The following CREB3L3 variants were observed in gnomAD, a reference collection of about 807,000 sequenced individuals.
CREB3L3 encodes cAMP responsive element binding protein 3 like 3, also known as cyclic AMP-responsive element-binding protein 3-like protein 3.
In CREB3L3, 40 loss-of-function variants were observed where a neutral mutation model predicts 44.6. The ratio of observed to expected loss-of-function variants is 0.90; its 90% CI spans 0.70 to 1.17. The LOEUF (loss-of-function observed/expected upper bound fraction) is 1.17. Ranked by LOEUF, CREB3L3 falls within the 50% of genes most tolerant of loss-of-function variation. The probability of loss-of-function intolerance (pLI) is 0.00; values close to 1 mark genes in which losing one functional copy is unlikely to be tolerated. For missense variants in CREB3L3, 578 were observed against 595.8 expected, an observed-to-expected ratio of 0.97 and a Z score of 0.31; for synonymous variants, 273 against 256.3, an observed-to-expected ratio of 1.06 and a Z score of -0.62.
chr19:4,163,764 C>T (rs1217154777), intron 4 of CREB3L3, among the ~76,000 whole-genome samples: 2 of 151,392 alleles, frequency 1.3e-5, no homozygotes, highest in African/African-American at 4.9e-5. Context: ...CCACCTGCCT[C>T]GGCCTCCCAA....
intron 4 of CREB3L3, among the ~76,000 whole-genome samples, chr19:4,160,355 C>T (rs796846078): frequency 2.6e-5 from 4 of 151,942 alleles, no homozygotes; most frequent in African/African-American, 9.6e-5. Context: ...ATATGCCAGG[C>T]GCTCTTTATT....
chr19:4,154,847 T>C, intron 1 of CREB3L3, 52 bp from the exon 2 acceptor site: 1 of 1,611,468 alleles, frequency 6.2e-7, no homozygotes, highest in East Asian at 2.2e-5. Context: ...ACATGGGAGG[T>C]GGGGAGGACA....
chr19:4,172,698 C>T lies in CREB3L3; in HGVS notation c.*729C>T, dbSNP rs2145148245. On this transcript the variant is annotated 3_prime_UTR_variant, in exon 10 of 10. Transcript: ENST00000078445. Reference sequence around the variant, plus strand: ...AGACACAGCCTGAAACAGACCCAGACAGACAGACAGACACAGCCTGAAACA... The same window carrying T: ...AGACACAGCCTGAAACAGACCCAGATAGACAGACAGACACAGCCTGAAACA... The T allele has an allele frequency of 4.2e-6, 1 of 235,932 alleles. No individual in the cohort carries two copies. Among genetic ancestry groups the T allele is most frequent in the Non-Finnish European group, 8.4e-6 (1 of 119,618 alleles). 14.6% of individuals were successfully genotyped at this position (235,932 alleles called of 1,614,324 possible). A position where few individuals can be genotyped will look rare whatever the true frequency, so the allele number is the denominator to read the frequency against.
rs747180973 is a variant in CREB3L3, at chr19:4,172,055, G to C, written c.*86G>C. ...TGGGCAGCTACCCACCTGGGGATGG[G>C]ACGTGAGGCCAAGACCCCAGCAGAG... On this transcript the variant is annotated 3_prime_UTR_variant, in exon 10 of 10. Coordinates refer to ENST00000078445, the MANE Select transcript of CREB3L3 (RefSeq NM_032607.3). 1.2e-4 allele frequency: 166 copies of C among 1,354,360 alleles called. No individual in the cohort carries two copies. The highest frequency in any genetic ancestry group is 1.6e-4 in the Non-Finnish European group (162 of 1,008,328). 83.9% of individuals were successfully genotyped at this position (1,354,360 alleles called of 1,614,324 possible).
chr19:4,171,939 A>C lies in CREB3L3; in HGVS notation c.1356A>C (p.Ala452=). 6.2e-7 allele frequency: 1 copy of C among 1,608,570 alleles called. No homozygotes were observed. The highest frequency in any genetic ancestry group is 8.5e-7 in the Non-Finnish European group (1 of 1,178,170). Residue 452 remains alanine (A), a synonymous_variant, in exon 10 of 10, where the codon GCA becomes GCC. Transcript: ENST00000078445. This position sits in a 1 kb window ranked among gnomAD's most constrained non-coding sequence, Gnocchi z 4.9. ...APGPSTGSGR[A]GLEAAGDEL is the part of the protein sequence containing the mutation. The stretch of plus-strand genomic sequence containing the variant: ...GGCCGAGCACTGGCTCAGGACGTGC[A>C]GGGCTGGAGGCGGCGGGAGACGAGC...
At position 4,171,925 on chromosome 19, in the gene CREB3L3, G is replaced by A; in HGVS notation, c.1342G>A (p.Gly448Ser). The change falls in exon 10 of 10, where the codon GGC becomes AGC. Residue 448 changes from glycine (G) to serine (S), a missense_variant. Coordinates refer to ENST00000078445, the MANE Select transcript of CREB3L3 (RefSeq NM_032607.3). The surrounding 1 kb of genome is among the most constrained non-coding windows in gnomAD (Gnocchi z 4.9). ...LDWVAPGPST[G>S]SGRAGLEAAG... ...CTGGGTGGCGCCTGGGCCGAGCACTGGCTCAGGACGTGCAGGGCTGGAGGC... is the reference window on the plus strand; with the variant it reads ...CTGGGTGGCGCCTGGGCCGAGCACTAGCTCAGGACGTGCAGGGCTGGAGGC... 6.2e-7 allele frequency: 1 copy of A among 1,611,112 alleles called. No homozygotes were observed. Among genetic ancestry groups the A allele is most frequent in the Non-Finnish European group, 8.5e-7 (1 of 1,179,206 alleles).
chr19:4,171,125 A>G lies in CREB3L3; in HGVS notation c.925A>G (p.Ile309Val), dbSNP rs1486763347. The G allele has an allele frequency of 1.2e-6, 2 of 1,614,060 alleles. No individual in the cohort carries two copies. Among genetic ancestry groups the G allele is most frequent in the Non-Finnish European group, 8.5e-7 (1 of 1,179,992 alleles). ...LLEQLKKLQA[I>V]VVQSTSKSAQ... The stretch of plus-strand genomic sequence containing the variant: ...GGAGCAACTGAAGAAACTCCAGGCC[A>G]TTGTGGTGCAGTCCACCAGCAAGTC... Residue 309 changes from isoleucine to valine, a missense_variant, in exon 8 of 10, where the codon ATT (isoleucine) becomes GTT (valine). Physicochemically the swap from Ile to Val is conservative, Grantham distance 29. Coordinates refer to ENST00000078445, the MANE Select transcript of CREB3L3 (RefSeq NM_032607.3). This position sits in a 1 kb window ranked among gnomAD's most constrained non-coding sequence, Gnocchi z 4.9.
At position 4,172,007 on chromosome 19, in the gene CREB3L3, G is replaced by T. The variant is rs1967062718; in HGVS notation, c.*38G>T. The stretch of plus-strand genomic sequence containing the variant: ...CTATGCTCCCAGGCCCCTCTGCCCA[G>T]GGGTGCCTTGGGGATGCTGCACTGG... On this transcript the variant is annotated 3_prime_UTR_variant, in exon 10 of 10. Transcript: ENST00000078445. 6.6e-7 allele frequency: 1 copy of T among 1,526,310 alleles called. No individual in the cohort carries two copies. Among genetic ancestry groups the T allele is most frequent in the Non-Finnish European group, 8.8e-7 (1 of 1,137,716 alleles). The allele number at this position is 1,526,310 out of a possible 1,614,324, so 94.5% of individuals were successfully genotyped here.
intron 3 of CREB3L3, among the ~76,000 whole-genome samples, chr19:4,158,428 C>G (rs1341364254): frequency 2.0e-5 from 3 of 151,874 alleles, no homozygotes; most frequent in Non-Finnish European, 4.4e-5. Flanking sequence ...ACCCGGGAGG[C>G]GGAGGTTGCA....
At chr19:4,159,921 T>C (rs1419975103) in intron 4 of CREB3L3, 139 bp downstream of exon 4, 15 of 664,248 alleles carry the variant, frequency 2.3e-5, no homozygotes, top group Admixed American at 6.3e-5. Flanking sequence ...TTAGAGACCA[T>C]TCCAGTCCTG....
Position 4,164,612 on chromosome 19 carries a change from C to A in CREB3L3, c.686C>A (p.Thr229Asn), listed in dbSNP as rs1295598624. The A allele has an allele frequency of 6.2e-7, 1 of 1,613,962 alleles. No individual in the cohort carries two copies. Among genetic ancestry groups the A allele is most frequent in the Non-Finnish European group, 8.5e-7 (1 of 1,180,048 alleles). The change falls in exon 5 of 10, where the codon ACC (threonine) becomes AAC (asparagine). Residue 229 changes from threonine to asparagine, a missense_variant. Coordinates refer to ENST00000078445, the MANE Select transcript of CREB3L3 (RefSeq NM_032607.3). ...EKKLLAKEGI[T>N]LPTQLPLTKY... ...AAGCTGCTGGCTAAAGAAGGCATCA[C>A]CCTGCCCACTCAGCTGCCCCTCACT...
chr19:4,157,143 C>CA lies in CREB3L3; in HGVS notation c.306dup (p.Arg103ThrfsTer43), dbSNP rs748629190. Reference sequence around the variant, plus strand: ...CCCTCCGACCCCCAGGACACCCCTCCACGCAGCGGACCAGCCACCTCCCCC... The same window carrying CA: ...CCCTCCGACCCCCAGGACACCCCTCCAACGCAGCGGACCAGCCACCTCCCCC... On this transcript the variant is annotated frameshift_variant, in exon 3 of 10. Transcript: ENST00000078445. LOFTEE classifies it high-confidence loss of function. The CA allele has an allele frequency of 4.0e-5, 65 of 1,613,912 alleles. No individual in the cohort carries two copies. The highest frequency in any genetic ancestry group is 5.5e-5 in the Non-Finnish European group (65 of 1,180,016).
chr19:4,160,475 G>T (rs533938951), intron 4 of CREB3L3, among the ~76,000 whole-genome samples: 1 of 150,884 alleles, frequency 6.6e-6, no homozygotes. Flanking sequence ...GGCCTCAAGC[G>T]ATCCTCCTGC....
intron 6 of CREB3L3, among the ~76,000 whole-genome samples, chr19:4,169,248 T>C (rs565260851): frequency 1.3e-5 from 2 of 151,550 alleles, no homozygotes; most frequent in Admixed American, 1.3e-4. Context: ...TCCCAGCACT[T>C]TGGGAGGCTG....
At chr19:4,169,074 A>C (rs936598890) in intron 6 of CREB3L3, among the ~76,000 whole-genome samples, 4 of 151,956 alleles carry the variant, frequency 2.6e-5, no homozygotes, top group African/African-American at 9.7e-5. Flanking sequence ...GCTCCTGATC[A>C]TCTTTATCCA....
chr19:4,159,620 C>T (rs764884160), intron 3 of CREB3L3, 44 bp from the exon 4 acceptor site: 24 of 896,764 alleles, frequency 2.7e-5, no homozygotes, highest in African/African-American at 8.2e-5. Context: ...GGACTCCCCC[C>T]GTCTGACACT....
At chr19:4,168,981 C>A (rs988225694) in intron 6 of CREB3L3, among the ~76,000 whole-genome samples, 2 of 151,754 alleles carry the variant, frequency 1.3e-5, no homozygotes, top group Non-Finnish European at 2.9e-5. Flanking sequence ...GTGATCTGGC[C>A]GCCTCAGCCT....
intron 4 of CREB3L3, among the ~76,000 whole-genome samples, chr19:4,163,351 A>AGAAAGAAAGGAAG (rs535753131): frequency 8.5e-6 from 1 of 117,198 alleles, no homozygotes; most frequent in Non-Finnish European, 1.8e-5. Context: ...AAAGAAAGAA[A>AGAAAGAAAGGAAG]GAAGGAAGGA....
intron 4 of CREB3L3, among the ~76,000 whole-genome samples, chr19:4,163,469 C>T (rs953409313): frequency 6.6e-5 from 10 of 152,178 alleles, no homozygotes; most frequent in South Asian, 2.1e-4. Flanking sequence ...GTCAAAGGAC[C>T]GTGTGTTGGT....
Sources: allele counts gnomAD v4.1 joint callset (sites outside exome capture counted in the v4.1 genomes callset), GRCh38; gene constraint gnomAD v4.1.1; non-coding constraint Gnocchi (gnomAD v3.1); transcripts MANE v1.5; gene names NCBI Gene and HGNC (gene_info 2026-07-23, HGNC 2026-07-21).